Variants in POLQ observed in about 807,000 individuals in gnomAD.
POLQ encodes the protein epididymis secretory sperm binding protein.
POLQ carries 233 observed loss-of-function variants against 259.2 expected under a neutral mutation model. The observed-to-expected ratio is 0.90, with a 90% CI of 0.81 to 1.00. POLQ has a LOEUF of 1.00. POLQ is among the 50% of genes least tolerant of loss of function. The pLI is 0.00. For synonymous variants in POLQ, 1,025 were observed against 1,048.8 expected (o/e 0.98, Z 0.44); for missense variants, 2,871 against 3,051.6 (o/e 0.94, Z 1.39).
intron 12 of POLQ, among the ~76,000 whole-genome samples, chr3:121,506,611 C>T (rs73855400): frequency 0.014 from 2,131 of 152,282 alleles, 55 homozygotes; most frequent in African/African-American, 0.048. Flanking sequence ...GAAAAAACAA[C>T]TACTCTAATA....
intron 9 of POLQ, among the ~76,000 whole-genome samples, chr3:121,515,943 T>C (rs2048291324): frequency 6.6e-6 from 1 of 151,702 alleles, no homozygotes; most frequent in South Asian, 2.1e-4. Context: ...TGGAAAACAA[T>C]ATACAAACAA....
intron 10 of POLQ, among the ~76,000 whole-genome samples, chr3:121,511,050 AC>A (rs1237619254): frequency 6.6e-6 from 1 of 152,062 alleles, no homozygotes; most frequent in Non-Finnish European, 1.5e-5. Context: ...ACACGGTGAA[AC>A]CCCATCTCTA....
intron 25 of POLQ, among the ~76,000 whole-genome samples, chr3:121,453,700 G>A (rs1021376158): frequency 2.0e-5 from 3 of 152,084 alleles, no homozygotes; most frequent in Non-Finnish European, 4.4e-5. Context: ...AAAAAGAAAC[G>A]ACCAAAGCCT....
chr3:121,433,038 T>C lies in POLQ; in HGVS notation c.7544-5A>G, dbSNP rs2047514057. The C allele has an allele frequency of 6.4e-7, 1 of 1,563,212 alleles. No individual in the cohort carries two copies. The highest frequency in any genetic ancestry group is 2.2e-5 in the East Asian group (1 of 44,638). On this transcript the variant is annotated splice_polypyrimidine_tract_variant and splice_region_variant and intron_variant, in intron 28 of 29. Transcript: ENST00000264233. ...GTTTTCTCTTTCGTGACAATCCTAC[T>C]TCATGAAAAAGGAGCAAAACTGATC...
At chr3:121,535,186 C>T (rs2048441510) in intron 5 of POLQ, among the ~76,000 whole-genome samples, 1 of 152,012 alleles carries the variant, frequency 6.6e-6, no homozygotes, top group African/African-American at 2.4e-5. Flanking sequence ...CTATTGAGTA[C>T]CCAGCACAAT....
Position 121,431,997 on chromosome 3 carries a change from C to A in POLQ, c.*307G>T. On this transcript the variant is annotated 3_prime_UTR_variant, in exon 30 of 30. Transcript: ENST00000264233. The stretch of plus-strand genomic sequence containing the variant: ...AGATGTGGAACCAAAGTGCTAAGTG[C>A]ATATTTCAAGCATCTGTTCTGAATA... 4.2e-6 allele frequency: 1 copy of A among 237,468 alleles called. No individual in the cohort carries two copies. The highest frequency in any genetic ancestry group is 8.0e-6 in the Non-Finnish European group (1 of 124,754). 14.7% of individuals were successfully genotyped at this position (237,468 alleles called of 1,614,324 possible).
At chr3:121,439,482 C>T (rs1178351546) in intron 27 of POLQ, among the ~76,000 whole-genome samples, 4 of 152,180 alleles carry the variant, frequency 2.6e-5, no homozygotes, top group Non-Finnish European at 5.9e-5. Flanking sequence ...ATCCTCCTGC[C>T]TCAGCCTTCC....
In POLQ at chr3:121,528,344, A is replaced by AT. The variant is rs369377736; in HGVS notation, c.1108+1300dup. On this transcript the variant is annotated intron_variant, in intron 7 of 29. Coordinates refer to ENST00000264233, the MANE Select transcript of POLQ (RefSeq NM_199420.4). Reference sequence around the variant, plus strand: ...TATGTTGGCTGGGCTGGAAATTTTAATTTTTTTTTTTTTTTTGAGATGGAG... The same window carrying AT: ...TATGTTGGCTGGGCTGGAAATTTTAATTTTTTTTTTTTTTTTTGAGATGGAG... 3.7e-3 allele frequency among the ~76,000 whole-genome samples: 517 copies of AT among 138,142 alleles called. 2 individuals carry two copies. The highest frequency in any genetic ancestry group is 5.0e-3 in the Admixed American group (69 of 13,720). 90.6% of individuals were successfully genotyped at this position (138,142 alleles called of 152,430 possible).
Position 121,545,892 on chromosome 3 carries a change from G to A in POLQ, c.-15C>T, listed in dbSNP as rs2048530918. On this transcript the variant is annotated 5_prime_UTR_variant, in exon 1 of 30. Transcript: ENST00000264233. ...AGAAGATTCATGGCAAACTCTTCTC[G>A]GCCGATCAGGGCAAGCCACAGTCCC... 3.1e-6 allele frequency: 5 copies of A among 1,612,520 alleles called. No homozygotes were observed. Among genetic ancestry groups the A allele is most frequent in the Non-Finnish European group, 4.2e-6 (5 of 1,179,758 alleles).
intron 13 of POLQ, 55 bp from the exon 14 acceptor site, chr3:121,496,987 T>A (rs1224223415): frequency 7.6e-6 from 12 of 1,582,384 alleles, no homozygotes; most frequent in Non-Finnish European, 1.0e-5. Flanking sequence ...TACTAGGCGA[T>A]ACAGTGTGTT....
intron 24 of POLQ, among the ~76,000 whole-genome samples, chr3:121,464,563 C>T (rs977393590): frequency 9.0e-5 from 13 of 144,422 alleles, no homozygotes; most frequent in African/African-American, 3.2e-4. Flanking sequence ...TTGAATTTGA[C>T]ATACTGTAGG....
chr3:121,496,746 T>A (rs2048127449), intron 14 of POLQ, 62 bp downstream of exon 14: 2 of 1,514,420 alleles, frequency 1.3e-6, no homozygotes, highest in Non-Finnish European at 1.8e-6. Flanking sequence ...AAAAAAAAAG[T>A]AATCTTAACT....
chr3:121,515,465 G>A (rs2048288071), intron 9 of POLQ, among the ~76,000 whole-genome samples: 1 of 152,138 alleles, frequency 6.6e-6, no homozygotes, highest in South Asian at 2.1e-4. Flanking sequence ...TACACTCTGG[G>A]GCCCAGCCAA....
At chr3:121,502,248 AGT>A (rs2048176571) in intron 12 of POLQ, among the ~76,000 whole-genome samples, 1 of 152,164 alleles carries the variant, frequency 6.6e-6, no homozygotes. Flanking sequence ...GGTCTCACTC[AGT>A]TGCCCAGGCT....
In POLQ at chr3:121,483,548, A is replaced by C; in HGVS notation, c.5808T>G (p.Asp1936Glu). ...ISASLVPPSLDPSLTLKDRMW... is the reference protein window; with the variant it reads ...ISASLVPPSLEPSLTLKDRMW... ...TCCTGTCTTTCAAAGTCAGGCTTGG[A>C]TCTAAAGAAGGTGGAACCAAACTGG... The change falls in exon 18 of 30, where the codon GAT becomes GAG. Residue 1936 changes from aspartate (D) to glutamate (E), a missense_variant. Coordinates refer to ENST00000264233, the MANE Select transcript of POLQ (RefSeq NM_199420.4). 6.4e-7 allele frequency: 1 copy of C among 1,559,424 alleles called. No individual in the cohort carries two copies.
chr3:121,446,687 G>C (rs1323280077), intron 26 of POLQ, among the ~76,000 whole-genome samples: 1 of 152,070 alleles, frequency 6.6e-6, no homozygotes, highest in Non-Finnish European at 1.5e-5. Flanking sequence ...TAATGTAAAA[G>C]ACATTATATA....
intron 14 of POLQ, chr3:121,494,410 G>C: frequency 2.6e-6 from 4 of 1,553,854 alleles, no homozygotes; most frequent in Non-Finnish European, 3.5e-6. Context: ...TGGCCCACAA[G>C]TACAGACCAG....
Position 121,460,152 on chromosome 3 carries a change from T to C in POLQ, c.7050A>G (p.Gln2350=), listed in dbSNP as rs746425164. 18 of 1,613,516 alleles carry C rather than the reference T, an allele frequency of 1.1e-5. No homozygotes were observed. Among genetic ancestry groups the C allele is most frequent in the Non-Finnish European group, 1.5e-5 (18 of 1,179,426 alleles). ...AAACATCAGCTCCAGTGTTTAACAC[T>C]TGAATGAGACGACGATCATGGGATA... The part of the protein sequence containing the change: ...AHLSHDRRLI[Q]VLNTGADVFR... Residue 2350 remains glutamine (Q), a synonymous_variant, in exon 25 of 30, where the codon CAA becomes CAG. Transcript: ENST00000264233.
chr3:121,440,491 A>T (rs1337724346), intron 26 of POLQ, among the ~76,000 whole-genome samples: 1 of 151,992 alleles, frequency 6.6e-6, no homozygotes, highest in African/African-American at 2.4e-5. Flanking sequence ...CCGCGTCACG[A>T]TGCCAGGATA....
Sources: gnomAD v4.1 joint callset for allele counts (sites outside exome capture counted in the v4.1 genomes callset) on GRCh38, gnomAD v4.1.1 for gene constraint, MANE v1.5 for transcripts, NCBI Gene and HGNC (gene_info 2026-07-23, HGNC 2026-07-21) for gene names.